Variants in SORBS2 observed in about 807,000 individuals in gnomAD.
SORBS2 encodes sorbin and SH3 domain containing 2.
Under a neutral mutation model 97.7 loss-of-function variants are expected in SORBS2, and 46 were observed. The observed-to-expected ratio is 0.47, with a 90% CI of 0.37 to 0.60. SORBS2 has a LOEUF of 0.60. Ranked by LOEUF, SORBS2 falls within the 20% of genes least tolerant of loss-of-function variation. The pLI is 0.00. For synonymous variants in SORBS2, 476 were observed against 473.4 expected (o/e 1.01, Z -0.07); for missense variants, 1,316 against 1,282.3 (o/e 1.03, Z -0.40).
intron 4 of SORBS2, among the ~76,000 whole-genome samples, chr4:185,663,649 T>C (rs1045375624): frequency 6.6e-6 from 1 of 152,202 alleles, no homozygotes; most frequent in South Asian, 2.1e-4. Context: ...CAAGTTAAGT[T>C]TGGTGGATCT....
rs537724058 is a variant in SORBS2 at position 185,850,121 on chromosome 4, C to T, written c.-337-74755G>A. Among the ~76,000 whole-genome samples the T allele has an allele frequency of 1.1e-4, 17 of 152,294 alleles. No homozygotes were observed. In the East Asian group the frequency reaches 2.3e-3, roughly 21 times the overall value. ...TCATGGCACAAATGTGGAGCAGAGG[C>T]GAACCTGGTTTGAAGATGCCTATGA... On this transcript the variant is annotated intron_variant, in intron 1 of 20. Coordinates refer to the SORBS2 transcript ENST00000284776.
At chr4:185,794,025 G>A (rs907614571) in intron 1 of SORBS2, among the ~76,000 whole-genome samples, 13 of 152,042 alleles carry the variant, frequency 8.6e-5, no homozygotes, top group African/African-American at 3.1e-4. Flanking sequence ...CTTTGACAAG[G>A]CACATACAAA....
chr4:185,663,347 G>A (rs945603047), intron 4 of SORBS2, among the ~76,000 whole-genome samples: 1 of 152,130 alleles, frequency 6.6e-6, no homozygotes, highest in Non-Finnish European at 1.5e-5. Context: ...TCACTTTAAA[G>A]CAAATGGGTT....
chr4:185,924,795 C>A (rs779643026), intron 1 of SORBS2, among the ~76,000 whole-genome samples: 2 of 152,194 alleles, frequency 1.3e-5, no homozygotes, highest in Non-Finnish European at 1.5e-5. Flanking sequence ...TTCCAATCCC[C>A]ACTCCCTCCG....
At chr4:185,785,653 C>T (rs569324174) in intron 1 of SORBS2, among the ~76,000 whole-genome samples, 1 of 152,264 alleles carries the variant, frequency 6.6e-6, no homozygotes, top group East Asian at 1.9e-4. Flanking sequence ...ACTGTGTGGC[C>T]CTTGACTCAT....
chr4:185,838,402 C>T (rs564072659), intron 1 of SORBS2, among the ~76,000 whole-genome samples: 3 of 152,342 alleles, frequency 2.0e-5, no homozygotes, highest in Admixed American at 6.5e-5. Flanking sequence ...AATTCTCCAC[C>T]CTCCTCAACT....
chr4:185,723,880 G>A (rs993491058), intron 2 of SORBS2, among the ~76,000 whole-genome samples: 2 of 152,178 alleles, frequency 1.3e-5, no homozygotes, highest in South Asian at 2.1e-4. Context: ...CTCCAGCCAC[G>A]TGGCAGCTAC....
intron 2 of SORBS2, 136 bp downstream of exon 10, chr4:185,652,526 G>A (rs2153461870): frequency 1.4e-6 from 1 of 714,072 alleles, no homozygotes; most frequent in East Asian, 2.6e-5. Context: ...AGGAGAACAG[G>A]AGGCATGCTG....
At position 185,623,891 on chromosome 4, in the gene SORBS2, C is replaced by T. The variant is rs376986702; in HGVS notation, c.1238G>A (p.Arg413His). 1.2e-6 allele frequency: 2 copies of T among 1,614,148 alleles called. No homozygotes were observed. Among genetic ancestry groups the T allele is most frequent in the Non-Finnish European group, 1.7e-6 (2 of 1,180,034 alleles). Residue 413 changes from arginine to histidine, a missense_variant, in exon 7 of 15, where the codon CGC becomes CAC. Physicochemically the swap from Arg to His is conservative, Grantham distance 29 (BLOSUM62 0). Coordinates refer to ENST00000418609, the Ensembl canonical transcript of SORBS2. The surrounding 1 kb of genome is among the most constrained non-coding windows in gnomAD (Gnocchi z 6.4). ...GATCAGCTTTTCGAATTCGGAGATG[C>T]GTGTGGGCACCATGTCCCGGGGCAC... is the stretch of plus-strand genomic sequence containing the variant.
rs111508498 is a variant in SORBS2 at position 185,680,586 on chromosome 4, A to T, written c.-197-1764T>A. On this transcript the variant is annotated intron_variant, in intron 2 of 20. Transcript: ENST00000284776. Reference sequence around the variant, plus strand: ...GCTACTTTATGAAAAGAGAAGCAGCATTAATAACAATGATTATATTCTGAT... The same window carrying T: ...GCTACTTTATGAAAAGAGAAGCAGCTTTAATAACAATGATTATATTCTGAT... 8.9e-3 allele frequency among the ~76,000 whole-genome samples: 1,363 copies of T among 152,352 alleles called. 26 individuals are homozygous for T. Among genetic ancestry groups the T allele is most frequent in the African/African-American group, 0.031 (1,269 of 41,566 alleles).
Position 185,606,941 on chromosome 4 carries a change from T to C in SORBS2, c.2796+4839A>G, listed in dbSNP as rs775301193. 3 of 991,280 alleles carry C rather than the reference T, an allele frequency of 3.0e-6. No homozygotes were observed. Among genetic ancestry groups the C allele is most frequent in the Non-Finnish European group, 3.6e-6 (3 of 833,318 alleles). The allele number at this position is 991,280 out of a possible 1,614,324, so 61.4% of individuals were successfully genotyped here. A position where few individuals can be genotyped will look rare whatever the true frequency, so the allele number is the denominator to read the frequency against. ...TCTGAGAAGCCCCTTCTCATTTTTC[T>C]CAACTCTGCAAAGTTGCTTTGAGTT... On this transcript the variant is annotated intron_variant, in intron 12 of 14. Coordinates refer to ENST00000418609, the Ensembl canonical transcript of SORBS2. The surrounding 1 kb of genome is among the most constrained non-coding windows in gnomAD (Gnocchi z 4.3).
chr4:185,658,610 A>G (rs1427395655), upstream of SORBS2, among the ~76,000 whole-genome samples: 2 of 151,818 alleles, frequency 1.3e-5, no homozygotes, highest in Non-Finnish European at 2.9e-5. Context: ...TCAGGGTGGG[A>G]CTCATTGATA....
intron 3 of SORBS2, among the ~76,000 whole-genome samples, chr4:185,647,042 A>G (rs2097219770): frequency 6.6e-6 from 1 of 152,216 alleles, no homozygotes; most frequent in African/African-American, 2.4e-5. Context: ...AATAGGTGGC[A>G]GTATGCTCTG....
At chr4:185,863,982 A>C (rs925778869) in intron 1 of SORBS2, among the ~76,000 whole-genome samples, 5 of 152,244 alleles carry the variant, frequency 3.3e-5, no homozygotes, top group African/African-American at 1.2e-4. Flanking sequence ...TTATTTACAA[A>C]GATTAACCAC....
Position 185,676,945 on chromosome 4 carries a change from G to A in SORBS2, c.-46+1478C>T, listed in dbSNP as rs9995753. 2,391 of 1,452,864 alleles carry A rather than the reference G, an allele frequency of 1.6e-3. 32 individuals carry two copies. The African/African-American group carries it at 0.029, about 18-fold the overall frequency. The allele number at this position is 1,452,864 out of a possible 1,614,324, so 90.0% of individuals were successfully genotyped here. On this transcript the variant is annotated intron_variant, in intron 4 of 20. Coordinates refer to the SORBS2 transcript ENST00000284776. ...AGAAGCCCAAACCAAAGGAGTTAGG[G>A]TCTCTACGATACGCATGTATTAATA... is the stretch of plus-strand genomic sequence containing the variant.
intron 1 of SORBS2, among the ~76,000 whole-genome samples, chr4:185,794,134 G>A (rs1194427837): frequency 6.6e-6 from 1 of 152,174 alleles, no homozygotes; most frequent in African/African-American, 2.4e-5. Context: ...CCAAACATTG[G>A]TGACATAAAA....
chr4:185,903,466 T>A (rs2099248854), intron 1 of SORBS2, among the ~76,000 whole-genome samples: 1 of 152,204 alleles, frequency 6.6e-6, no homozygotes, highest in South Asian at 2.1e-4. Context: ...CCCATGACTA[T>A]CTGGAACAAC....
chr4:185,635,228 T>G (rs987736090), intron 4 of SORBS2, 127 bp downstream of exon 16: 2 of 677,596 alleles, frequency 3.0e-6, no homozygotes, highest in South Asian at 1.9e-5. Flanking sequence ...AACATAATGA[T>G]GCAAAGATAG....
chr4:185,773,995 T>C (rs1350224649), intron 2 of SORBS2: 2 of 152,088 alleles, frequency 1.3e-5, no homozygotes, highest in African/African-American at 2.4e-5. Context: ...TTTTTCTTTG[T>C]TATTTCTTCC....
Sources: allele counts gnomAD v4.1 joint callset (sites outside exome capture counted in the v4.1 genomes callset), GRCh38; gene constraint gnomAD v4.1.1; non-coding constraint Gnocchi (gnomAD v3.1); transcripts MANE v1.5; gene names NCBI Gene and HGNC (gene_info 2026-07-23, HGNC 2026-07-21).